The following PTPN11 variants were observed in gnomAD, a reference collection of about 807,000 sequenced individuals.
The protein encoded by PTPN11 is protein tyrosine phosphatase non-receptor type 11, also known as tyrosine-protein phosphatase non-receptor type 11.
In PTPN11, 6 loss-of-function variants were observed where a neutral mutation model predicts 78.8. That is an observed-to-expected ratio of 0.08 (90% CI 0.04 to 0.15). PTPN11 has a LOEUF of 0.15. PTPN11 is among the 10% of genes least tolerant of loss of function. The probability of loss-of-function intolerance (pLI) is 1.00; values close to 1 mark genes in which losing one functional copy is unlikely to be tolerated. For missense variants in PTPN11, 386 were observed against 744.8 expected, an observed-to-expected ratio of 0.52 and a Z score of 5.61; for synonymous variants, 221 against 263.5, an observed-to-expected ratio of 0.84 and a Z score of 1.56.
At chr12:112,497,998 C>T (rs2038832351) in intron 13 of PTPN11, among the ~76,000 whole-genome samples, 1 of 151,892 alleles carries the variant, frequency 6.6e-6, no homozygotes, top group African/African-American at 2.4e-5. Flanking sequence ...ATCAAAAATA[C>T]AAAAATTAGC....
intron 1 of PTPN11, among the ~76,000 whole-genome samples, chr12:112,427,935 C>T (rs928236160): frequency 2.0e-5 from 3 of 151,972 alleles, no homozygotes; most frequent in Admixed American, 6.6e-5. Context: ...ATTTTTTATA[C>T]AGACGGGGTC....
chr12:112,427,793 C>CCACACTGGATTG (rs1257835309), intron 1 of PTPN11, among the ~76,000 whole-genome samples: 2 of 151,660 alleles, frequency 1.3e-5, no homozygotes, highest in African/African-American at 2.4e-5. Context: ...GCTCTGTCAC[C>CCACACTGGATTG]CACACTGGAT....
intron 9 of PTPN11, among the ~76,000 whole-genome samples, chr12:112,480,434 T>A (rs1051479008): frequency 1.3e-5 from 2 of 151,686 alleles, no homozygotes; most frequent in Non-Finnish European, 2.9e-5. Flanking sequence ...TGGCACTATC[T>A]TGGATCACTG....
intron 11 of PTPN11, among the ~76,000 whole-genome samples, chr12:112,487,927 G>T (rs761150711): frequency 2.6e-5 from 4 of 152,018 alleles, no homozygotes; most frequent in African/African-American, 9.7e-5. Context: ...GGGATTACTG[G>T]TACGTGACAA....
At chr12:112,502,374 C>T (rs930428855) in intron 14 of PTPN11, 118 bp downstream of exon 14, 12 of 814,218 alleles carry the variant, frequency 1.5e-5, no homozygotes, top group Admixed American at 1.1e-4. Flanking sequence ...GGTGCACGTT[C>T]CTGTTGCCCT....
At chr12:112,449,319 C>G (rs2038043941) in intron 2 of PTPN11, among the ~76,000 whole-genome samples, 1 of 151,226 alleles carries the variant, frequency 6.6e-6, no homozygotes, top group Non-Finnish European at 1.5e-5. Context: ...TCCTGGCTAA[C>G]ATGGTGAAAC....
chr12:112,472,760 C>CA (rs1230015803), intron 6 of PTPN11, among the ~76,000 whole-genome samples, 184 bp from the exon 7 acceptor site: 1 of 152,148 alleles, frequency 6.6e-6, no homozygotes, highest in African/African-American at 2.4e-5. Flanking sequence ...CTCAGCCTCC[C>CA]AAAGTGTGGG....
intron 6 of PTPN11, among the ~76,000 whole-genome samples, chr12:112,467,641 C>A (rs192687998): frequency 1.2e-4 from 19 of 152,112 alleles, no homozygotes; most frequent in African/African-American, 3.6e-4. Flanking sequence ...ACTACAGGCG[C>A]GCATCACAAT....
chr12:112,493,822 C>T (rs1395218979), intron 13 of PTPN11, among the ~76,000 whole-genome samples: 1 of 152,196 alleles, frequency 6.6e-6, no homozygotes, highest in Non-Finnish European at 1.5e-5. Flanking sequence ...CCCTGGTAAT[C>T]ACTGCTTTAA....
rs575225243 is a variant in PTPN11 at position 112,465,546 on chromosome 12, C to T, written c.757-7398C>T. Among the ~76,000 whole-genome samples, 33 of 152,274 alleles carry T rather than the reference C, an allele frequency of 2.2e-4. 1 individual carries two copies. The highest frequency in any genetic ancestry group is 1.7e-3 in the East Asian group (9 of 5,188). On this transcript the variant is annotated intron_variant, in intron 6 of 15. Coordinates refer to ENST00000351677, the MANE Select transcript of PTPN11 (RefSeq NM_002834.5). ...GACATTGCAACCGACTGCAAGGCAC[C>T]GTGGGACCCAGGTTGTGGATGGACT...
chr12:112,477,237 G>A (rs1417793463), intron 7 of PTPN11, among the ~76,000 whole-genome samples: 3 of 152,016 alleles, frequency 2.0e-5, no homozygotes, highest in African/African-American at 7.3e-5. Flanking sequence ...GGCTGGTCTT[G>A]ACCTCCTGAC....
intron 1 of PTPN11, among the ~76,000 whole-genome samples, chr12:112,429,764 C>CT (rs1316068620): frequency 6.7e-6 from 1 of 150,004 alleles, no homozygotes; most frequent in African/African-American, 2.4e-5. Flanking sequence ...GATTGTGCCA[C>CT]TGCACTCCAG....
chr12:112,486,420 C>G, intron 10 of PTPN11, 55 bp from the exon 11 acceptor site: 3 of 1,533,368 alleles, frequency 2.0e-6, no homozygotes, highest in Non-Finnish European at 2.7e-6. Flanking sequence ...CCGGGTGATT[C>G]CTCAACCTCT....
At chr12:112,429,412 A>G (rs1015975153) in intron 1 of PTPN11, among the ~76,000 whole-genome samples, 1 of 149,518 alleles carries the variant, frequency 6.7e-6, no homozygotes, top group Admixed American at 6.7e-5. Context: ...CACCTACCTT[A>G]TCTTCTGTTG....
chr12:112,448,447 C>A (rs1354579119), intron 2 of PTPN11, among the ~76,000 whole-genome samples: 1 of 151,990 alleles, frequency 6.6e-6, no homozygotes, highest in African/African-American at 2.4e-5. Context: ...CAACTCTTGG[C>A]CTCAAGGGAT....
intron 13 of PTPN11, among the ~76,000 whole-genome samples, chr12:112,494,304 G>A (rs368404988): frequency 2.6e-5 from 4 of 152,132 alleles, no homozygotes; most frequent in East Asian, 1.9e-4. Flanking sequence ...AAAAACCATT[G>A]CCATGACCAT....
chr12:112,502,316 A>G, intron 14 of PTPN11, 60 bp downstream of exon 14: 1 of 1,280,366 alleles, frequency 7.8e-7, no homozygotes, highest in Non-Finnish European at 1.1e-6. Context: ...AAGGTTTAAA[A>G]AACAAAAACA....
chr12:112,434,096 T>C (rs2037753157), intron 1 of PTPN11, among the ~76,000 whole-genome samples: 1 of 151,876 alleles, frequency 6.6e-6, no homozygotes, highest in Non-Finnish European at 1.5e-5. Flanking sequence ...CAGAGCAAGA[T>C]AGCAAGACTC....
chr12:112,475,868 A>G (rs1003297393), intron 7 of PTPN11, among the ~76,000 whole-genome samples: 29 of 152,252 alleles, frequency 1.9e-4, no homozygotes, highest in African/African-American at 5.1e-4. Flanking sequence ...GACATTTGTA[A>G]TACTGAGAAA....
Sources: allele counts gnomAD v4.1 joint callset (sites outside exome capture counted in the v4.1 genomes callset), GRCh38; gene constraint gnomAD v4.1.1; transcripts MANE v1.5; gene names NCBI Gene and HGNC (gene_info 2026-07-23, HGNC 2026-07-21).